CCDC171: variants seen among roughly 807,000 people sequenced by gnomAD.
CCDC171 encodes the protein coiled-coil domain-containing protein 171.
Under a neutral mutation model 168.2 loss-of-function variants are expected in CCDC171, and 177 were observed. The ratio of observed to expected loss-of-function variants is 1.05; its 90% CI spans 0.93 to 1.19. CCDC171 has a LOEUF of 1.19. Ranked by LOEUF, CCDC171 falls within the 50% of genes most tolerant of loss-of-function variation. CCDC171 has a pLI of 0.00. For synonymous variants in CCDC171, 687 were observed against 540.8 expected, an observed-to-expected ratio of 1.27 and a Z score of -3.75; for missense variants, 1,991 against 1,539.0, an observed-to-expected ratio of 1.29 and a Z score of -4.91.
chr9:15,834,514 T>A (rs986110107), intron 21 of CCDC171, among the ~76,000 whole-genome samples: 2 of 152,224 alleles, frequency 1.3e-5, no homozygotes, highest in African/African-American at 4.8e-5. Context: ...GAAAACACCA[T>A]TATTTATTAA....
At chr9:16,027,055 G>A (rs1363141307) in intron 6 of CCDC171, among the ~76,000 whole-genome samples, 1 of 152,212 alleles carries the variant, frequency 6.6e-6, no homozygotes, top group Non-Finnish European at 1.5e-5. Flanking sequence ...ACTTGGTGAT[G>A]CAGGGCAGAA....
At chr9:15,820,397 C>G (rs2059720853) in intron 21 of CCDC171, among the ~76,000 whole-genome samples, 1 of 114,854 alleles carries the variant, frequency 8.7e-6, no homozygotes, top group South Asian at 2.8e-4. Context: ...TCAATGAATC[C>G]AGGAGCTGGT....
intron 3 of CCDC171, among the ~76,000 whole-genome samples, chr9:15,983,754 A>G (rs1319644972): frequency 2.0e-5 from 3 of 149,708 alleles, no homozygotes; most frequent in Non-Finnish European, 3.0e-5. Context: ...GAATAAATCT[A>G]TAATAATGCA....
rs2061367224 is a variant in CCDC171 at position 15,856,889 on chromosome 9, T to C, written c.3468+7942T>C. ...ATCCTTGTCTTTTAAAAAAATTTTT[T>C]GTAATAGTCATCCTAATAGGTATGA... is the stretch of plus-strand genomic sequence containing the variant. On this transcript the variant is annotated intron_variant, in intron 23 of 25. Transcript: ENST00000380701. 2.0e-5 allele frequency among the ~76,000 whole-genome samples: 3 copies of C among 152,048 alleles called. 1 individual carries two copies. Among genetic ancestry groups the C allele is most frequent in the African/African-American group, 7.2e-5 (3 of 41,404 alleles).
At chr9:15,920,216 C>A in intron 24 of CCDC171, 54 bp from the exon 25 acceptor site, 1 of 1,139,644 alleles carries the variant, frequency 8.8e-7, no homozygotes, top group Non-Finnish European at 1.2e-6. Context: ...TGGAAATTCT[C>A]CTTTGGGGAC....
At chr9:15,741,451 A>G (rs1222317970) in intron 16 of CCDC171, among the ~76,000 whole-genome samples, 1 of 152,142 alleles carries the variant, frequency 6.6e-6, no homozygotes, top group Non-Finnish European at 1.5e-5. Flanking sequence ...TGTACCATGT[A>G]TTAGTACTTC....
At chr9:15,569,794 G>A (rs1252297432) in intron 2 of CCDC171, among the ~76,000 whole-genome samples, 5 of 149,448 alleles carry the variant, frequency 3.3e-5, no homozygotes, top group Non-Finnish European at 7.4e-5. Flanking sequence ...CAGCCTGGGC[G>A]ACAGAGCGAG....
At chr9:15,825,052 T>G (rs935707508) in intron 21 of CCDC171, among the ~76,000 whole-genome samples, 4 of 152,144 alleles carry the variant, frequency 2.6e-5, no homozygotes, top group African/African-American at 9.7e-5. Context: ...AAGTTCCTCT[T>G]GTGGTATGGA....
the CCDC171 span, among the ~76,000 whole-genome samples, chr9:16,077,088 T>A: frequency 1.6e-4 from 25 of 152,130 alleles, no homozygotes; most frequent in Non-Finnish European, 2.2e-4. Context: ...TGGGTTACAT[T>A]AGGAAATTAT....
At chr9:16,089,963 CT>C in the CCDC171 span, among the ~76,000 whole-genome samples, 14 of 152,168 alleles carry the variant, frequency 9.2e-5, no homozygotes, top group Non-Finnish European at 1.9e-4. Context: ...AGCTTTGACA[CT>C]GTTGATGGGT....
chr9:15,703,498 GA>G (rs1386384541), intron 11 of CCDC171, among the ~76,000 whole-genome samples: 9 of 152,266 alleles, frequency 5.9e-5, no homozygotes, highest in East Asian at 5.8e-4. Context: ...ATGTATGAGT[GA>G]AAACATGTAG....
chr9:15,799,301 T>G (rs1278493371), intron 21 of CCDC171, among the ~76,000 whole-genome samples: 4 of 151,294 alleles, frequency 2.6e-5, no homozygotes, highest in Non-Finnish European at 4.4e-5. Context: ...TATAGATGTC[T>G]GTGTTGACAG....
rs374720189 is a variant in CCDC171 at position 15,804,122 on chromosome 9, G to A, written c.3267+19428G>A. On this transcript the variant is annotated intron_variant, in intron 21 of 25. Coordinates refer to ENST00000380701, the MANE Select transcript of CCDC171 (RefSeq NM_173550.4). Reference sequence around the variant, plus strand: ...CTGAAGTTGCTTATCAGCTTGAGAAGCTTTTGGGCTGTGATGATGGGGTTT... The same window carrying A: ...CTGAAGTTGCTTATCAGCTTGAGAAACTTTTGGGCTGTGATGATGGGGTTT... Among the ~76,000 whole-genome samples, 269 of 152,260 alleles carry A rather than the reference G, an allele frequency of 1.8e-3. 2 individuals carry two copies. Among genetic ancestry groups the A allele is most frequent in the African/African-American group, 6.1e-3 (252 of 41,556 alleles).
chr9:15,554,387 A>C (rs1310298192), intron 1 of CCDC171, among the ~76,000 whole-genome samples: 12 of 152,190 alleles, frequency 7.9e-5, no homozygotes, highest in Non-Finnish European at 1.6e-4. Context: ...GAAGATGAAC[A>C]TGGTTTTTCA....
intron 18 of CCDC171, among the ~76,000 whole-genome samples, chr9:15,753,463 A>G (rs553744636): frequency 1.3e-5 from 2 of 152,300 alleles, no homozygotes; most frequent in South Asian, 2.1e-4. Flanking sequence ...AGAGAGATGT[A>G]TCATTGGCAT....
At chr9:15,606,371 A>G (rs1481915393) in intron 6 of CCDC171, among the ~76,000 whole-genome samples, 5 of 152,222 alleles carry the variant, frequency 3.3e-5, no homozygotes, top group East Asian at 1.9e-4. Context: ...GCCTAGAAAT[A>G]TAATTGTTTC....
chr9:15,654,148 A>G (rs2047740827), intron 7 of CCDC171, among the ~76,000 whole-genome samples: 1 of 152,058 alleles, frequency 6.6e-6, no homozygotes, highest in South Asian at 2.1e-4. Context: ...TATCCTTTGG[A>G]TTTAAATTAC....
chr9:15,725,572 C>T (rs568303801), intron 14 of CCDC171, among the ~76,000 whole-genome samples: 151 of 152,284 alleles, frequency 9.9e-4, no homozygotes, highest in South Asian at 1.9e-3. Flanking sequence ...GCCCCAGCCT[C>T]CTGAGTAGCT....
At chr9:15,686,991 T>C (rs1222247133) in intron 10 of CCDC171, among the ~76,000 whole-genome samples, 1 of 152,194 alleles carries the variant, frequency 6.6e-6, no homozygotes, top group African/African-American at 2.4e-5. Flanking sequence ...TTCTTGTGGA[T>C]AGATCATATG....
Sources: allele counts gnomAD v4.1 joint callset (sites outside exome capture counted in the v4.1 genomes callset), GRCh38; gene constraint gnomAD v4.1.1; transcripts MANE v1.5; gene names NCBI Gene and HGNC (gene_info 2026-07-23, HGNC 2026-07-21).